The following KPNA1 variants were observed in gnomAD, a reference collection of about 807,000 sequenced individuals.
KPNA1 encodes the protein importin subunit alpha-5.
A neutral mutation model predicts 70.5 loss-of-function variants in KPNA1; 10 were observed. The ratio of observed to expected loss-of-function variants is 0.14; its 90% CI spans 0.09 to 0.24. KPNA1 has a LOEUF of 0.24. Among genes scored for constraint, KPNA1 ranks in the 10% least tolerant of loss-of-function variants. The pLI, the probability that KPNA1 is intolerant of heterozygous loss-of-function variation, is 1.00. For missense variants in KPNA1, 397 were observed against 637.9 expected (o/e 0.62, Z 4.07); for synonymous variants, 192 against 221.9 (o/e 0.87, Z 1.20).
chr3:122,461,601 C>CA (rs950208433), intron 4 of KPNA1, among the ~76,000 whole-genome samples: 2 of 152,056 alleles, frequency 1.3e-5, no homozygotes, highest in Non-Finnish European at 2.9e-5. Context: ...AAGCAGGGGG[C>CA]AAAAAACCCC....
At chr3:122,492,874 C>T (rs1576339161) in intron 2 of KPNA1, among the ~76,000 whole-genome samples, 1 of 152,208 alleles carries the variant, frequency 6.6e-6, no homozygotes, top group Non-Finnish European at 1.5e-5. Flanking sequence ...AGCTGAGCTT[C>T]GGATAAAGGA....
At chr3:122,458,423 G>A (rs1278617932) in intron 5 of KPNA1, among the ~76,000 whole-genome samples, 1 of 152,152 alleles carries the variant, frequency 6.6e-6, no homozygotes, top group Non-Finnish European at 1.5e-5. Flanking sequence ...CTCAAAGCAG[G>A]CACTTTTATC....
At chr3:122,441,310 T>A (rs1054934870) in intron 10 of KPNA1, among the ~76,000 whole-genome samples, 12 of 152,048 alleles carry the variant, frequency 7.9e-5, no homozygotes, top group Non-Finnish European at 7.4e-5. Context: ...AGAAGTTGAA[T>A]AGAGTAGATG....
chr3:122,467,702 A>G (rs1425537433), intron 2 of KPNA1, among the ~76,000 whole-genome samples: 1 of 152,050 alleles, frequency 6.6e-6, no homozygotes, highest in Non-Finnish European at 1.5e-5. Context: ...AAAAAAAAAA[A>G]GGTTGGAAAA....
intron 2 of KPNA1, among the ~76,000 whole-genome samples, chr3:122,473,653 A>G (rs950567217): frequency 5.3e-5 from 8 of 152,238 alleles, no homozygotes; most frequent in African/African-American, 1.4e-4. Context: ...CAGAAGAAGC[A>G]TATGAAAAAA....
chr3:122,451,214 A>G (rs1339597162), intron 8 of KPNA1, among the ~76,000 whole-genome samples: 1 of 152,208 alleles, frequency 6.6e-6, no homozygotes, highest in East Asian at 1.9e-4. Context: ...CTGTTTTAAG[A>G]GAACTGAAAG....
intron 2 of KPNA1, among the ~76,000 whole-genome samples, chr3:122,479,590 T>C (rs1329518212): frequency 1.3e-5 from 2 of 152,082 alleles, no homozygotes; most frequent in East Asian, 3.9e-4. Flanking sequence ...TGAAACCCTG[T>C]CTCTACTAAA....
intron 1 of KPNA1, among the ~76,000 whole-genome samples, chr3:122,501,030 C>CTT (rs112073834): frequency 6.3e-5 from 8 of 126,870 alleles, no homozygotes; most frequent in Admixed American, 1.6e-4. Flanking sequence ...CTTTTCTTTC[C>CTT]TTTTTTTTTT....
intron 2 of KPNA1, among the ~76,000 whole-genome samples, chr3:122,481,302 A>G (rs1374695721): frequency 6.6e-6 from 1 of 152,258 alleles, no homozygotes; most frequent in Admixed American, 6.5e-5. Flanking sequence ...TCAATAAACA[A>G]AAAGTGGTAT....
intron 2 of KPNA1, among the ~76,000 whole-genome samples, chr3:122,472,836 T>C (rs879937664): frequency 1.3e-5 from 2 of 152,050 alleles, no homozygotes; most frequent in African/African-American, 2.4e-5. Context: ...ATCCCAGCAC[T>C]TTGGGAGGCT....
intron 2 of KPNA1, among the ~76,000 whole-genome samples, chr3:122,471,013 T>C (rs1013255449): frequency 6.6e-6 from 1 of 152,168 alleles, no homozygotes; most frequent in African/African-American, 2.4e-5. Context: ...GGAGTATTAT[T>C]TATATATCAT....
intron 1 of KPNA1, among the ~76,000 whole-genome samples, chr3:122,508,194 G>C (rs2076913187): frequency 6.6e-6 from 1 of 152,130 alleles, no homozygotes; most frequent in South Asian, 2.1e-4. Context: ...AAAAGAATCA[G>C]AGATGGTGTC....
chr3:122,431,528 G>T (rs950585447), intron 12 of KPNA1, among the ~76,000 whole-genome samples: 10 of 152,134 alleles, frequency 6.6e-5, no homozygotes, highest in Non-Finnish European at 1.5e-4. Flanking sequence ...AGCAGCAGAA[G>T]CCAGATAGAT....
intron 1 of KPNA1, among the ~76,000 whole-genome samples, chr3:122,497,414 G>A (rs985395977): frequency 5.3e-5 from 8 of 152,302 alleles, no homozygotes; most frequent in African/African-American, 1.2e-4. Flanking sequence ...GTTTTACACA[G>A]ATATGTTTTA....
chr3:122,456,847 A>G (rs933928424), intron 5 of KPNA1, among the ~76,000 whole-genome samples: 7 of 152,244 alleles, frequency 4.6e-5, no homozygotes, highest in African/African-American at 1.7e-4. Flanking sequence ...GGTAACTGTA[A>G]CAAGAGGACC....
In KPNA1 at chr3:122,424,322, G is replaced by A. The variant is rs1024158813; in HGVS notation, c.*2663C>T. On this transcript the variant is annotated 3_prime_UTR_variant, in exon 14 of 14. Coordinates refer to ENST00000344337, the MANE Select transcript of KPNA1 (RefSeq NM_002264.4). ...TTTAAACTAAGTTAACAGAATCTGAGAGGCAAAGAACTAAAAACAGGATAT... is the reference window on the plus strand; with the variant it reads ...TTTAAACTAAGTTAACAGAATCTGAAAGGCAAAGAACTAAAAACAGGATAT... 4.6e-5 allele frequency: 7 copies of A among 152,134 alleles called. No individual in the cohort carries two copies. Among genetic ancestry groups the A allele is most frequent in the African/African-American group, 1.7e-4 (7 of 41,430 alleles). The allele number at this position is 152,134 out of a possible 1,614,324, so 9.4% of individuals were successfully genotyped here. A position where few individuals can be genotyped will look rare whatever the true frequency, so the allele number is the denominator to read the frequency against.
At chr3:122,476,251 A>C (rs2076496412) in intron 2 of KPNA1, among the ~76,000 whole-genome samples, 1 of 152,212 alleles carries the variant, frequency 6.6e-6, no homozygotes, top group African/African-American at 2.4e-5. Flanking sequence ...ACAAGAAAGA[A>C]ACTGAACCTT....
rs922887504 is a variant in KPNA1 at position 122,423,183 on chromosome 3, T to A, written c.*3802A>T. ...TACTGTAGTAGTCACATCTGACCTT[T>A]GATAATTTTTTTAAATTAAGTTCTG... On this transcript the variant is annotated 3_prime_UTR_variant, in exon 14 of 14. Coordinates refer to ENST00000344337, the MANE Select transcript of KPNA1 (RefSeq NM_002264.4). 1 of 152,192 alleles carries A rather than the reference T, an allele frequency of 6.6e-6. No homozygotes were observed. Among genetic ancestry groups the A allele is most frequent in the South Asian group, 2.1e-4 (1 of 4,832 alleles). 9.4% of individuals were successfully genotyped at this position (152,192 alleles called of 1,614,324 possible).
chr3:122,451,858 A>G (rs2076205993), intron 7 of KPNA1, 118 bp downstream of exon 7: 1 of 744,400 alleles, frequency 1.3e-6, no homozygotes, highest in Admixed American at 2.9e-5. Flanking sequence ...AATATCTGGA[A>G]TTAAAAATAA....
Sources: gnomAD v4.1 joint callset for allele counts (sites outside exome capture counted in the v4.1 genomes callset) on GRCh38, gnomAD v4.1.1 for gene constraint, MANE v1.5 for transcripts, NCBI Gene and HGNC (gene_info 2026-07-23, HGNC 2026-07-21) for gene names.